Variants in ZNF740 observed in about 807,000 individuals in gnomAD.
ZNF740 encodes oriLyt TD-element-binding protein 7.
In ZNF740, 14 loss-of-function variants were observed where a neutral mutation model predicts 24.8. The observed-to-expected ratio is 0.56, with a 90% CI of 0.37 to 0.88. The LOEUF is 0.88. Ranked by LOEUF, ZNF740 falls within the 40% of genes least tolerant of loss-of-function variation. The pLI, the probability that ZNF740 is intolerant of heterozygous loss-of-function variation, is 0.00. For synonymous variants in ZNF740, 69 were observed against 84.0 expected (o/e 0.82, Z 0.98); for missense variants, 201 against 247.9 (o/e 0.81, Z 1.27).
chr12:53,191,755 T>C lies in ZNF740; in HGVS notation c.*4165T>C, dbSNP rs1471046178. The C allele has an allele frequency of 2.0e-6, 3 of 1,533,590 alleles. No individual in the cohort carries two copies. The allele number at this position is 1,533,590 out of a possible 1,614,324, so 95.0% of individuals were successfully genotyped here. ...AGCTGATGGAAGTTAGCAGAGGGGT[T>C]GGTTACATGTGCCAGGGGCTGGGGG... On this transcript the variant is annotated 3_prime_UTR_variant, in exon 7 of 7. Coordinates refer to ENST00000416904, the MANE Select transcript of ZNF740 (RefSeq NM_001004304.4).
chr12:53,182,306 G>A (rs1175256283), intron 2 of ZNF740: 1 of 291,130 alleles, frequency 3.4e-6, no homozygotes, highest in Non-Finnish European at 6.4e-6. Flanking sequence ...TACGGTGAAT[G>A]CTTCTTTTGT....
At position 53,184,114 on chromosome 12, in the gene ZNF740, G is replaced by GGGGTGTGT. The variant is rs1555175868; in HGVS notation, c.10-776_10-775insGGTGTGTG. ...TCAAAAGTGGGCTCTGAAGCTAAGGGGTGTGTGTGTGTGTGTGTGTGTGTG... is the reference window on the plus strand; with the variant it reads ...TCAAAAGTGGGCTCTGAAGCTAAGGGGGGTGTGTGTGTGTGTGTGTGTGTGTGTGTGTG... On this transcript the variant is annotated intron_variant, in intron 2 of 6. Transcript: ENST00000416904. Among the ~76,000 whole-genome samples the GGGGTGTGT allele has an allele frequency of 2.2e-4, 27 of 123,568 alleles. 1 individual carries two copies. Among genetic ancestry groups the GGGGTGTGT allele is most frequent in the East Asian group, 7.7e-4 (3 of 3,888 alleles). 81.1% of individuals were successfully genotyped at this position (123,568 alleles called of 152,430 possible). A position where few individuals can be genotyped will look rare whatever the true frequency, so the allele number is the denominator to read the frequency against.
intron 2 of ZNF740, among the ~76,000 whole-genome samples, chr12:53,184,159 G>A (rs934663614): frequency 1.6e-4 from 22 of 137,640 alleles, no homozygotes; most frequent in East Asian, 6.2e-4. Flanking sequence ...GTGCGCGCGC[G>A]CGCTCTGAAG....
At chr12:53,181,120 C>G (rs1010044708) in intron 1 of ZNF740, 1 of 967,324 alleles carries the variant, frequency 1.0e-6, no homozygotes, top group African/African-American at 1.8e-5. Flanking sequence ...GCTCTGCTCC[C>G]GGTTGGTGCA....
At chr12:53,183,367 T>C (rs1413440148) in intron 2 of ZNF740, among the ~76,000 whole-genome samples, 2 of 152,204 alleles carry the variant, frequency 1.3e-5, no homozygotes, top group Non-Finnish European at 2.9e-5. Flanking sequence ...GAGCTAAGAT[T>C]TTAACTCTGG....
Position 53,194,608 on chromosome 12 carries a change from G to A in ZNF740, c.*7018G>A. ...ACTGAGGGTCACAGGCTGGCCAGGTGCTGTAAATGTACAGAGACCATGTTT... is the reference window on the plus strand; with the variant it reads ...ACTGAGGGTCACAGGCTGGCCAGGTACTGTAAATGTACAGAGACCATGTTT... On this transcript the variant is annotated 3_prime_UTR_variant, in exon 7 of 7. Coordinates refer to ENST00000416904, the MANE Select transcript of ZNF740 (RefSeq NM_001004304.4). 1 of 409,068 alleles carries A rather than the reference G, an allele frequency of 2.4e-6. No individual in the cohort carries two copies. Among genetic ancestry groups the A allele is most frequent in the African/African-American group, 2.0e-5 (1 of 50,072 alleles). 25.3% of individuals were successfully genotyped at this position (409,068 alleles called of 1,614,324 possible). A position where few individuals can be genotyped will look rare whatever the true frequency, so the allele number is the denominator to read the frequency against.
chr12:53,183,309 C>T (rs1298682659), intron 2 of ZNF740, among the ~76,000 whole-genome samples: 1 of 152,174 alleles, frequency 6.6e-6, no homozygotes, highest in Admixed American at 6.5e-5. Context: ...GAAACTAAGG[C>T]TTGCAAAGGT....
At position 53,194,385 on chromosome 12, in the gene ZNF740, A is replaced by G. The variant is rs1942083940; in HGVS notation, c.*6795A>G. ...GAGTGGATAACCACGTGAAGGCAGA[A>G]AAGGACTCCAACCCCACCTTATGTC... On this transcript the variant is annotated 3_prime_UTR_variant, in exon 7 of 7. Transcript: ENST00000416904. 2 of 1,603,968 alleles carry G rather than the reference A, an allele frequency of 1.2e-6. No homozygotes were observed. The highest frequency in any genetic ancestry group is 1.7e-6 in the Non-Finnish European group (2 of 1,173,416).
chr12:53,180,743 TG>T lies in ZNF740; in HGVS notation c.-397del, dbSNP rs959184429. ...GTTTGTAAACTTGCCTCGGTCCCGG[TG>T]GGGGCAGCCGCGGCGGTGGGGTTGG... On this transcript the variant is annotated 5_prime_UTR_variant, in exon 1 of 7. Transcript: ENST00000416904. The T allele has an allele frequency of 1.6e-5, 20 of 1,264,420 alleles. No homozygotes were observed. In the African/African-American group the frequency reaches 2.8e-4, roughly 18 times the overall value. 78.3% of individuals were successfully genotyped at this position (1,264,420 alleles called of 1,614,324 possible).
chr12:53,192,967 C>G lies in ZNF740; in HGVS notation c.*5377C>G, dbSNP rs1565699038. 1.5e-5 allele frequency: 23 copies of G among 1,550,298 alleles called. No individual in the cohort carries two copies. Among genetic ancestry groups the G allele is most frequent in the East Asian group, 2.3e-5 (1 of 43,788 alleles). ...ATACTCCACACACACAGTTGGCCATCATGTGGCACGACAAGCCCACGCATC... is the reference window on the plus strand; with the variant it reads ...ATACTCCACACACACAGTTGGCCATGATGTGGCACGACAAGCCCACGCATC... On this transcript the variant is annotated 3_prime_UTR_variant, in exon 7 of 7. Coordinates refer to ENST00000416904, the MANE Select transcript of ZNF740 (RefSeq NM_001004304.4).
rs1389819842 is a variant in ZNF740 at position 53,193,649 on chromosome 12, G to A, written c.*6059G>A. On this transcript the variant is annotated 3_prime_UTR_variant, in exon 7 of 7. Transcript: ENST00000416904. The stretch of plus-strand genomic sequence containing the variant: ...GGGATGGAAAGCAGCGGAGGAATAC[G>A]GGCCAGGGTTGGTTGGTTGTTGGGA... 2.9e-5 allele frequency: 41 copies of A among 1,429,964 alleles called. No individual in the cohort carries two copies. Among genetic ancestry groups the A allele is most frequent in the South Asian group, 1.5e-4 (11 of 75,450 alleles). 88.6% of individuals were successfully genotyped at this position (1,429,964 alleles called of 1,614,324 possible).
At chr12:53,180,917 C>T (rs771471424) in intron 1 of ZNF740, 80 bp downstream of exon 1, 1 of 933,556 alleles carries the variant, frequency 1.1e-6, no homozygotes, top group Non-Finnish European at 1.3e-6. Context: ...TGGGGTGCCG[C>T]GCGGGAAGGG....
In ZNF740 at chr12:53,191,465, A is replaced by C; in HGVS notation, c.*3875A>C. The C allele has an allele frequency of 9.9e-7, 1 of 1,007,488 alleles. No homozygotes were observed. Among genetic ancestry groups the C allele is most frequent in the Non-Finnish European group, 1.6e-6 (1 of 629,146 alleles). 62.4% of individuals were successfully genotyped at this position (1,007,488 alleles called of 1,614,324 possible). A position where few individuals can be genotyped will look rare whatever the true frequency, so the allele number is the denominator to read the frequency against. ...CACCTCGCCAGTGAATTAGTCCCCT[A>C]CCAAGGTCTTACAGACCCACCCTTC... On this transcript the variant is annotated 3_prime_UTR_variant, in exon 7 of 7. Coordinates refer to ENST00000416904, the MANE Select transcript of ZNF740 (RefSeq NM_001004304.4).
chr12:53,186,633 G>A (rs929134035), intron 6 of ZNF740, 124 bp downstream of exon 6: 15 of 681,596 alleles, frequency 2.2e-5, no homozygotes, highest in Middle Eastern at 4.0e-4. Context: ...TTAACACATC[G>A]GGGTGAAGTG....
chr12:53,194,268 T>C lies in ZNF740; in HGVS notation c.*6678T>C. 1.2e-6 allele frequency: 2 copies of C among 1,613,924 alleles called. No homozygotes were observed. Among genetic ancestry groups the C allele is most frequent in the Non-Finnish European group, 1.7e-6 (2 of 1,179,936 alleles). On this transcript the variant is annotated 3_prime_UTR_variant, in exon 7 of 7. Coordinates refer to ENST00000416904, the MANE Select transcript of ZNF740 (RefSeq NM_001004304.4). ...CTTACCCTCCCTCTTCTCAGGACCC[T>C]CACACTGGGATTCGTAAGAAATGTG...
chr12:53,184,831 G>T (rs1286377389), intron 2 of ZNF740, 60 bp from the exon 3 acceptor site: 35 of 1,560,258 alleles, frequency 2.2e-5, no homozygotes, highest in Non-Finnish European at 3.0e-5. Context: ...ATAGAGGATG[G>T]CAGTCTGTTT....
chr12:53,191,649 G>A lies in ZNF740; in HGVS notation c.*4059G>A. 6.2e-7 allele frequency: 1 copy of A among 1,609,850 alleles called. No individual in the cohort carries two copies. The highest frequency in any genetic ancestry group is 8.5e-7 in the Non-Finnish European group (1 of 1,176,086). On this transcript the variant is annotated 3_prime_UTR_variant, in exon 7 of 7. Transcript: ENST00000416904. Reference sequence around the variant, plus strand: ...GAGGATTACTGTCCTGGAGAAAGATGTTGCAGATTATAAGCAAAAATCCCA... The same window carrying A: ...GAGGATTACTGTCCTGGAGAAAGATATTGCAGATTATAAGCAAAAATCCCA...
chr12:53,192,076 A>G lies in ZNF740; in HGVS notation c.*4486A>G. On this transcript the variant is annotated 3_prime_UTR_variant, in exon 7 of 7. Transcript: ENST00000416904. ...AGCTGGAGCATAGGGACAGATCATCAGTTGCTCACAGTGTGTCCAGCCTGT... is the reference window on the plus strand; with the variant it reads ...AGCTGGAGCATAGGGACAGATCATCGGTTGCTCACAGTGTGTCCAGCCTGT... 1 of 1,566,876 alleles carries G rather than the reference A, an allele frequency of 6.4e-7. No individual in the cohort carries two copies. The highest frequency in any genetic ancestry group is 8.7e-7 in the Non-Finnish European group (1 of 1,151,378).
At chr12:53,182,307 C>G (rs886570325) in intron 2 of ZNF740, 2 of 289,286 alleles carry the variant, frequency 6.9e-6, no homozygotes, top group African/African-American at 4.4e-5. Flanking sequence ...ACGGTGAATG[C>G]TTCTTTTGTT....
Sources: gnomAD v4.1 joint callset for allele counts (sites outside exome capture counted in the v4.1 genomes callset) on GRCh38, gnomAD v4.1.1 for gene constraint, MANE v1.5 for transcripts, NCBI Gene and HGNC (gene_info 2026-07-23, HGNC 2026-07-21) for gene names.